Variants in MCC observed in about 807,000 individuals in gnomAD.
MCC encodes the protein colorectal mutant cancer protein.
In MCC, 90 loss-of-function variants were observed where a neutral mutation model predicts 116.2. That is an observed-to-expected ratio of 0.77 (90% CI 0.65 to 0.92). MCC has a LOEUF of 0.92. Ranked by LOEUF, MCC falls within the 40% of genes least tolerant of loss-of-function variation. MCC has a pLI of 0.00. For missense variants in MCC, 1,516 were observed against 1,312.2 expected (o/e 1.16, Z -2.40); for synonymous variants, 578 against 510.5 (o/e 1.13, Z -1.78).
rs75829903 is a variant in MCC, at chr5:113,216,696, C to T, written c.628-65274G>A. ...GTCCCTTGGTGAGAACACAGTCATT[C>T]AACTGATGAAATTTCTATTCTTTTG... On this transcript the variant is annotated intron_variant, in intron 3 of 18. Transcript: ENST00000408903. Among the ~76,000 whole-genome samples, 717 of 152,328 alleles carry T rather than the reference C, an allele frequency of 4.7e-3. 2 individuals are homozygous for T. The highest frequency in any genetic ancestry group is 6.6e-3 in the Non-Finnish European group (452 of 68,020).
intron 16 of MCC, among the ~76,000 whole-genome samples, chr5:113,046,216 A>G (rs1272710557): frequency 6.6e-6 from 1 of 151,318 alleles, no homozygotes; most frequent in East Asian, 1.9e-4. Flanking sequence ...TTTTTGAGAC[A>G]GAGTCTGACT....
chr5:113,219,598 A>G (rs1763462761), intron 3 of MCC, among the ~76,000 whole-genome samples: 2 of 152,234 alleles, frequency 1.3e-5, no homozygotes, highest in Non-Finnish European at 2.9e-5. Flanking sequence ...AATTTCAATA[A>G]TAGGTCCCAG....
At chr5:113,139,222 T>C (rs1047914102) in intron 5 of MCC, among the ~76,000 whole-genome samples, 12 of 152,328 alleles carry the variant, frequency 7.9e-5, no homozygotes, top group Admixed American at 1.3e-4. Context: ...TCAACATCGC[T>C]GATTCCTCAG....
chr5:113,393,642 C>T (rs547577790), intron 1 of MCC, among the ~76,000 whole-genome samples: 13 of 152,314 alleles, frequency 8.5e-5, no homozygotes, highest in South Asian at 6.2e-4. Context: ...GAGCTGCTCA[C>T]GCTTTGGCTA....
chr5:113,169,411 T>C (rs552335368), intron 3 of MCC, among the ~76,000 whole-genome samples: 3 of 152,106 alleles, frequency 2.0e-5, no homozygotes, highest in Non-Finnish European at 4.4e-5. Context: ...TAATCTTGCA[T>C]AGTCTCCTGT....
At chr5:113,226,632 T>G (rs1435351729) in intron 3 of MCC, among the ~76,000 whole-genome samples, 1 of 152,254 alleles carries the variant, frequency 6.6e-6, no homozygotes, top group Non-Finnish European at 1.5e-5. Context: ...ACAATTTAAA[T>G]GATTTCCATA....
intron 2 of MCC, among the ~76,000 whole-genome samples, chr5:113,362,000 T>C (rs964183539): frequency 9.8e-5 from 15 of 152,304 alleles, no homozygotes; most frequent in African/African-American, 2.9e-4. Flanking sequence ...AGCTTATAGA[T>C]GGCATATTGT....
intron 6 of MCC, among the ~76,000 whole-genome samples, chr5:113,116,832 A>G (rs13156718): frequency 0.47 from 71,882 of 152,106 alleles, 19,417 homozygotes; most frequent in East Asian, 0.72. Flanking sequence ...TCCCTAGGAG[A>G]AAACACACAG....
chr5:113,139,580 C>A (rs1046570628), intron 5 of MCC, among the ~76,000 whole-genome samples: 37 of 152,008 alleles, frequency 2.4e-4, no homozygotes, highest in Non-Finnish European at 4.7e-4. Flanking sequence ...GTTAGAATGG[C>A]GATCATTAAA....
chr5:113,151,262 T>TAAAACAA, intron 4 of MCC, 47 bp downstream of exon 4: 1 of 1,184,440 alleles, frequency 8.4e-7, no homozygotes, highest in Non-Finnish European at 1.2e-6. Flanking sequence ...ATTAAATATT[T>TAAAACAA]AAAACAAAAA....
Position 113,311,833 on chromosome 5 carries a change from C to T in MCC, c.627+28686G>A, listed in dbSNP as rs927392556. Among the ~76,000 whole-genome samples, 6 of 151,914 alleles carry T rather than the reference C, an allele frequency of 3.9e-5. No homozygotes were observed. In the South Asian group the frequency reaches 1.2e-3, roughly 32 times the overall value. On this transcript the variant is annotated intron_variant, in intron 3 of 18. Transcript: ENST00000408903. ...CTAAAAATACAAAAATTAGGCTGGGCGCGGTGGCTGATGCCTATAATCCCA... is the reference window on the plus strand; with the variant it reads ...CTAAAAATACAAAAATTAGGCTGGGTGCGGTGGCTGATGCCTATAATCCCA...
intron 3 of MCC, chr5:113,204,458 A>C: frequency 6.6e-6 from 1 of 152,368 alleles, no homozygotes; most frequent in Admixed American, 6.5e-5. Context: ...AAAATTAAGA[A>C]TTCTAAAATT....
At chr5:113,076,529 T>C (rs963687853) in intron 11 of MCC, among the ~76,000 whole-genome samples, 2 of 152,148 alleles carry the variant, frequency 1.3e-5, no homozygotes, top group African/African-American at 4.8e-5. Context: ...GAAAAGCATT[T>C]TCAACCCAGA....
chr5:113,079,407 ATAC>A (rs1754687020), intron 11 of MCC, among the ~76,000 whole-genome samples: 1 of 152,238 alleles, frequency 6.6e-6, no homozygotes, highest in Admixed American at 6.5e-5. Flanking sequence ...ACTTCAAACT[ATAC>A]TACAAGGCCA....
At chr5:113,274,119 CAG>C (rs1765722228) in intron 3 of MCC, among the ~76,000 whole-genome samples, 1 of 152,352 alleles carries the variant, frequency 6.6e-6, no homozygotes, top group African/African-American at 2.4e-5. Flanking sequence ...GAGTGCCACA[CAG>C]GGGATTTACT....
chr5:113,369,630 T>C (rs1487540093), intron 2 of MCC, among the ~76,000 whole-genome samples: 2 of 152,212 alleles, frequency 1.3e-5, no homozygotes, highest in African/African-American at 4.8e-5. Context: ...TGTTGCTCTT[T>C]GGTTGTTTCC....
chr5:113,347,709 A>G (rs547542946), intron 2 of MCC, among the ~76,000 whole-genome samples: 5 of 152,202 alleles, frequency 3.3e-5, no homozygotes, highest in Non-Finnish European at 7.4e-5. Context: ...CAAAATGGCA[A>G]GAGTAAGTCC....
intron 3 of MCC, among the ~76,000 whole-genome samples, chr5:113,191,811 G>A (rs1215266193): frequency 6.6e-6 from 1 of 152,154 alleles, no homozygotes; most frequent in East Asian, 1.9e-4. Flanking sequence ...GAAGGCCAAA[G>A]GCTTTAACAC....
chr5:113,119,923 A>C (rs1296965632), intron 6 of MCC, among the ~76,000 whole-genome samples: 1 of 152,244 alleles, frequency 6.6e-6, no homozygotes, highest in Non-Finnish European at 1.5e-5. Context: ...TGTGAGGACC[A>C]GTGCAACAGA....
Sources: allele counts gnomAD v4.1 joint callset (sites outside exome capture counted in the v4.1 genomes callset), GRCh38; gene constraint gnomAD v4.1.1; transcripts MANE v1.5; gene names NCBI Gene and HGNC (gene_info 2026-07-23, HGNC 2026-07-21).